The following ROBO1 variants were observed in gnomAD, a reference collection of about 807,000 sequenced individuals.
The protein encoded by ROBO1 is roundabout homolog 1.
ROBO1 carries 149 observed loss-of-function variants against 195.9 expected under a neutral mutation model. The ratio of observed to expected loss-of-function variants is 0.76; its 90% CI spans 0.67 to 0.87. The LOEUF (loss-of-function observed/expected upper bound fraction) is 0.87. Among genes scored for constraint, ROBO1 ranks in the 40% least tolerant of loss-of-function variants. ROBO1 has a pLI of 0.00. For missense variants in ROBO1, 1,933 were observed against 2,068.3 expected (o/e 0.93, Z 1.27); for synonymous variants, 816 against 733.2 (o/e 1.11, Z -1.82).
intron 3 of ROBO1, among the ~76,000 whole-genome samples, chr3:79,082,818 A>ATGGAGAGAGGCAGGTTGATGGTG (rs1199810076): frequency 6.6e-6 from 1 of 151,988 alleles, no homozygotes; most frequent in South Asian, 2.1e-4. Context: ...CTTGTATGGT[A>ATGGAGAGAGGCAGGTTGATGGTG]TGGAGAGAGG....
intron 2 of ROBO1, among the ~76,000 whole-genome samples, chr3:79,541,967 C>T (rs186771446): frequency 1.5e-4 from 23 of 151,234 alleles, no homozygotes; most frequent in Non-Finnish European, 3.1e-4. Flanking sequence ...TTAACCAAAA[C>T]GATGATTTTC....
intron 4 of ROBO1, among the ~76,000 whole-genome samples, chr3:78,907,315 C>T (rs1444193444): frequency 6.6e-6 from 1 of 151,954 alleles, no homozygotes; most frequent in Non-Finnish European, 1.5e-5. Context: ...AAAAAACAAC[C>T]ACCTCTGAAA....
chr3:79,306,404 G>C (rs1316265248), intron 2 of ROBO1, among the ~76,000 whole-genome samples: 1 of 152,074 alleles, frequency 6.6e-6, no homozygotes, highest in African/African-American at 2.4e-5. Context: ...GCATTTAATA[G>C]GCACATAATC....
chr3:79,724,949 C>G (rs1047925915), intron 1 of ROBO1, among the ~76,000 whole-genome samples: 2 of 152,116 alleles, frequency 1.3e-5, no homozygotes, highest in Non-Finnish European at 2.9e-5. Flanking sequence ...CCTTCCTTAC[C>G]CTTCTTCTTT....
intron 3 of ROBO1, among the ~76,000 whole-genome samples, chr3:78,956,975 G>T (rs1307255414): frequency 6.6e-6 from 1 of 152,066 alleles, no homozygotes; most frequent in Non-Finnish European, 1.5e-5. Context: ...GAAAAAGAGA[G>T]ACAGAAAAAG....
chr3:79,450,121 A>C (rs2039392922), intron 2 of ROBO1, among the ~76,000 whole-genome samples: 1 of 150,842 alleles, frequency 6.6e-6, no homozygotes. Flanking sequence ...GGGGAAAAAA[A>C]ATGAAAAAAA....
intron 1 of ROBO1, among the ~76,000 whole-genome samples, chr3:79,664,668 C>T (rs1204595352): frequency 6.6e-6 from 1 of 151,984 alleles, no homozygotes; most frequent in Non-Finnish European, 1.5e-5. Flanking sequence ...AACAGAATTG[C>T]AGTAGAGAAG....
chr3:78,678,148 C>T (rs550327346), intron 10 of ROBO1, among the ~76,000 whole-genome samples: 4 of 151,898 alleles, frequency 2.6e-5, no homozygotes, highest in Non-Finnish European at 5.9e-5. Context: ...CACAACATAC[C>T]AGAATCTCTG....
intron 1 of ROBO1, among the ~76,000 whole-genome samples, chr3:79,627,255 A>G (rs924316466): frequency 6.6e-6 from 1 of 152,214 alleles, no homozygotes; most frequent in Admixed American, 6.5e-5. Flanking sequence ...AAACTATACT[A>G]CAAGGCTATA....
At chr3:79,237,237 C>G (rs866920737) in intron 2 of ROBO1, among the ~76,000 whole-genome samples, 1 of 152,142 alleles carries the variant, frequency 6.6e-6, no homozygotes. Context: ...AATCCCACCA[C>G]TTTGGGAGCC....
intron 10 of ROBO1, among the ~76,000 whole-genome samples, chr3:78,682,678 C>T (rs895368289): frequency 2.1e-5 from 3 of 144,130 alleles, no homozygotes; most frequent in South Asian, 2.2e-4. Context: ...TATATATACA[C>T]GTATATATAC....
chr3:79,073,865 C>CTGCT (rs2079128223), intron 3 of ROBO1, among the ~76,000 whole-genome samples: 1 of 151,032 alleles, frequency 6.6e-6, no homozygotes, highest in Admixed American at 6.7e-5. Context: ...CAACAAGGGT[C>CTGCT]TGCTGCAAGC....
chr3:78,935,639 C>T (rs1364339453), intron 4 of ROBO1, among the ~76,000 whole-genome samples: 1 of 151,882 alleles, frequency 6.6e-6, no homozygotes, highest in Admixed American at 6.6e-5. Context: ...ACTCGTAAGA[C>T]CTTCTTAGAA....
At chr3:79,549,012 A>G (rs1405161459) in intron 2 of ROBO1, among the ~76,000 whole-genome samples, 4 of 152,138 alleles carry the variant, frequency 2.6e-5, no homozygotes, top group Non-Finnish European at 4.4e-5. Flanking sequence ...ACTCATTGCT[A>G]GTGACTGAAT....
chr3:79,077,750 G>A (rs1300510242), intron 3 of ROBO1, among the ~76,000 whole-genome samples: 1 of 151,778 alleles, frequency 6.6e-6, no homozygotes, highest in Non-Finnish European at 1.5e-5. Flanking sequence ...TGAATTTGGA[G>A]AGTCCAAAAA....
At chr3:78,621,562 C>A (rs1704458053) in intron 26 of ROBO1, among the ~76,000 whole-genome samples, 1 of 152,110 alleles carries the variant, frequency 6.6e-6, no homozygotes, top group Admixed American at 6.5e-5. Flanking sequence ...GTAAATAAGG[C>A]AAGCCCAGGG....
At chr3:79,575,593 T>C (rs2107768098) in intron 2 of ROBO1, among the ~76,000 whole-genome samples, 1 of 143,912 alleles carries the variant, frequency 6.9e-6, no homozygotes, top group Admixed American at 7.3e-5. Context: ...TTTATATATA[T>C]ATATAATTTT....
chr3:78,749,273 C>T (rs1055174824), intron 4 of ROBO1, among the ~76,000 whole-genome samples: 2 of 151,976 alleles, frequency 1.3e-5, no homozygotes, highest in African/African-American at 4.8e-5. Context: ...TTTGGTAATG[C>T]TATATCTTAT....
intron 3 of ROBO1, among the ~76,000 whole-genome samples, chr3:79,113,865 T>C (rs546596719): frequency 1.3e-5 from 2 of 152,198 alleles, no homozygotes; most frequent in Non-Finnish European, 2.9e-5. Context: ...AGATCTCAGA[T>C]AATGATGATT....
Sources: gnomAD v4.1 joint callset for allele counts (sites outside exome capture counted in the v4.1 genomes callset) on GRCh38, gnomAD v4.1.1 for gene constraint, MANE v1.5 for transcripts, NCBI Gene and HGNC (gene_info 2026-07-23, HGNC 2026-07-21) for gene names.